HIBADH: variants seen among roughly 807,000 people sequenced by gnomAD.
HIBADH encodes 3-hydroxyisobutyrate dehydrogenase.
A neutral mutation model predicts 36.1 loss-of-function variants in HIBADH; 25 were observed. That is an observed-to-expected ratio of 0.69 (90% CI 0.50 to 0.97). HIBADH has a LOEUF of 0.97. Ranked by LOEUF, HIBADH falls within the 50% of genes least tolerant of loss-of-function variation. The pLI is 0.00. For missense variants in HIBADH, 421 were observed against 418.0 expected (o/e 1.01, Z -0.06); for synonymous variants, 160 against 149.5 (o/e 1.07, Z -0.51).
At chr7:27,571,366 G>A (rs1233872156) in intron 4 of HIBADH, among the ~76,000 whole-genome samples, 27 of 152,018 alleles carry the variant, frequency 1.8e-4, no homozygotes, top group Non-Finnish European at 1.2e-4. Context: ...GGGATTACAG[G>A]CATGTGCCAC....
chr7:27,652,156 T>C (rs1028677615), intron 1 of HIBADH, among the ~76,000 whole-genome samples: 2 of 152,182 alleles, frequency 1.3e-5, no homozygotes, highest in Non-Finnish European at 2.9e-5. Flanking sequence ...TGATGCTGAG[T>C]TGAAGTAAAA....
At chr7:27,554,638 A>G (rs1199298968) in intron 4 of HIBADH, among the ~76,000 whole-genome samples, 3 of 152,204 alleles carry the variant, frequency 2.0e-5, no homozygotes, top group Non-Finnish European at 4.4e-5. Context: ...GAGTTCTGTT[A>G]TAACTTTGAG....
In HIBADH at chr7:27,581,245, G is replaced by A. The variant is rs144337126; in HGVS notation, c.485-38145C>T. Among the ~76,000 whole-genome samples, 401 of 152,246 alleles carry A rather than the reference G, an allele frequency of 2.6e-3. 3 individuals carry two copies. The highest frequency in any genetic ancestry group is 8.9e-3 in the African/African-American group (370 of 41,552). On this transcript the variant is annotated intron_variant, in intron 4 of 7. Coordinates refer to ENST00000265395, the MANE Select transcript of HIBADH (RefSeq NM_152740.4). ...TCCAACCATGTTCAGCTACTCAAGG[G>A]CCAATGCAGAGCAAATGAACAGTTG... is the stretch of plus-strand genomic sequence containing the variant.
chr7:27,652,307 A>C (rs1786209426), intron 1 of HIBADH, among the ~76,000 whole-genome samples: 2 of 152,164 alleles, frequency 1.3e-5, no homozygotes, highest in South Asian at 4.2e-4. Context: ...GCAAGAGATT[A>C]AGATTAAAAA....
At chr7:27,550,075 A>T (rs1784297743) in intron 4 of HIBADH, among the ~76,000 whole-genome samples, 1 of 151,626 alleles carries the variant, frequency 6.6e-6, no homozygotes, top group South Asian at 2.1e-4. Flanking sequence ...ACCTAGCTAA[A>T]TTTTTTTGTA....
rs531833676 is a variant in HIBADH at position 27,620,453 on chromosome 7, T to C, written c.484+8918A>G. Among the ~76,000 whole-genome samples the C allele has an allele frequency of 4.0e-5, 6 of 151,846 alleles. No homozygotes were observed. In the East Asian group the frequency reaches 9.7e-4, roughly 24 times the overall value. On this transcript the variant is annotated intron_variant, in intron 4 of 7. Coordinates refer to ENST00000265395, the MANE Select transcript of HIBADH (RefSeq NM_152740.4). ...TAGACCAGAAGAGAATAGGATGATATATTCAAAGTGCTGACAGGAAAAACA... is the reference window on the plus strand; with the variant it reads ...TAGACCAGAAGAGAATAGGATGATACATTCAAAGTGCTGACAGGAAAAACA...
At chr7:27,585,820 G>T (rs1226493538) in intron 4 of HIBADH, among the ~76,000 whole-genome samples, 1 of 151,880 alleles carries the variant, frequency 6.6e-6, no homozygotes, top group Non-Finnish European at 1.5e-5. Flanking sequence ...CTTAAAAATG[G>T]TTGTATTTTC....
intron 2 of HIBADH, among the ~76,000 whole-genome samples, chr7:27,644,914 TA>T (rs1786035442): frequency 6.6e-6 from 1 of 152,212 alleles, no homozygotes; most frequent in South Asian, 2.1e-4. Flanking sequence ...AAGTCTATAG[TA>T]TGTGGTTTTT....
At chr7:27,593,220 C>A (rs1249185792) in intron 4 of HIBADH, among the ~76,000 whole-genome samples, 1 of 152,130 alleles carries the variant, frequency 6.6e-6, no homozygotes, top group East Asian at 1.9e-4. Flanking sequence ...TCATGTCAGC[C>A]CTCAAAAAGA....
intron 5 of HIBADH, among the ~76,000 whole-genome samples, chr7:27,539,625 C>G (rs1784117146): frequency 2.0e-5 from 3 of 152,138 alleles, no homozygotes; most frequent in Non-Finnish European, 2.9e-5. Context: ...CGTGATTGTA[C>G]TACAAATAGA....
At chr7:27,619,905 T>C (rs1785507563) in intron 4 of HIBADH, among the ~76,000 whole-genome samples, 1 of 152,038 alleles carries the variant, frequency 6.6e-6, no homozygotes, top group Non-Finnish European at 1.5e-5. Context: ...AATGAAAGAA[T>C]AGGTGAAAAC....
At chr7:27,566,899 C>T (rs779986244) in intron 4 of HIBADH, among the ~76,000 whole-genome samples, 5 of 152,044 alleles carry the variant, frequency 3.3e-5, no homozygotes, top group Non-Finnish European at 7.4e-5. Context: ...TTAAAGAATA[C>T]ATTTTGTTTA....
rs540385749 is a variant in HIBADH at position 27,649,385 on chromosome 7, G to A, written c.252+88C>T. 7.7e-4 allele frequency: 767 copies of A among 990,024 alleles called. 2 individuals are homozygous for A. The highest frequency in any genetic ancestry group is 1.3e-3 in the South Asian group (68 of 50,734). The allele number at this position is 990,024 out of a possible 1,614,324, so 61.3% of individuals were successfully genotyped here. A position where few individuals can be genotyped will look rare whatever the true frequency, so the allele number is the denominator to read the frequency against. On this transcript the variant is annotated intron_variant, in intron 2 of 7. Transcript: ENST00000265395. ...TGAATTAGGTTTACAACTCCATTGG[G>A]TATACTTCTAAGAAGCTGTCACTTA...
At chr7:27,572,693 T>A (rs1434619059) in intron 4 of HIBADH, among the ~76,000 whole-genome samples, 1 of 152,170 alleles carries the variant, frequency 6.6e-6, no homozygotes, top group Non-Finnish European at 1.5e-5. Context: ...TTGTTTTAAA[T>A]ATCTCATAAA....
At chr7:27,545,160 G>C (rs1046885121) in intron 4 of HIBADH, among the ~76,000 whole-genome samples, 3 of 152,172 alleles carry the variant, frequency 2.0e-5, no homozygotes, top group African/African-American at 7.2e-5. Flanking sequence ...ACCTAAATTA[G>C]CTAGGCATAG....
intron 2 of HIBADH, among the ~76,000 whole-genome samples, chr7:27,635,998 TAA>T (rs1478155666): frequency 6.6e-6 from 1 of 152,204 alleles, no homozygotes; most frequent in African/African-American, 2.4e-5. Flanking sequence ...GGTGGGTGTG[TAA>T]TATAAAGAGC....
chr7:27,586,067 G>A (rs1524532), intron 4 of HIBADH, among the ~76,000 whole-genome samples: 9 of 152,052 alleles, frequency 5.9e-5, no homozygotes, highest in Admixed American at 1.3e-4. Context: ...ATCAGTTCAC[G>A]CATTTTCTCT....
At chr7:27,593,682 T>C (rs979697463) in intron 4 of HIBADH, among the ~76,000 whole-genome samples, 5 of 151,844 alleles carry the variant, frequency 3.3e-5, no homozygotes, top group African/African-American at 1.2e-4. Flanking sequence ...TAATAACCAG[T>C]TAAGAAAGAG....
chr7:27,532,734 A>T (rs1784021014), intron 6 of HIBADH, among the ~76,000 whole-genome samples: 2 of 152,176 alleles, frequency 1.3e-5, no homozygotes, highest in Non-Finnish European at 2.9e-5. Flanking sequence ...CATTCTGTTC[A>T]ACTGTAGATT....
Sources: gnomAD v4.1 joint callset for allele counts (sites outside exome capture counted in the v4.1 genomes callset) on GRCh38, gnomAD v4.1.1 for gene constraint, MANE v1.5 for transcripts, NCBI Gene and HGNC (gene_info 2026-07-23, HGNC 2026-07-21) for gene names.